NTRK3: variants seen among roughly 807,000 people sequenced by gnomAD.
NTRK3 encodes NT-3 growth factor receptor.
A neutral mutation model predicts 91.7 loss-of-function variants in NTRK3; 24 were observed. The observed-to-expected ratio is 0.26, with a 90% confidence interval of 0.19 to 0.37. The LOEUF (loss-of-function observed/expected upper bound fraction) is 0.37. Among genes scored for constraint, NTRK3 ranks in the 10% least tolerant of loss-of-function variants. The probability of loss-of-function intolerance (pLI) is 1.00; values close to 1 mark genes in which losing one functional copy is unlikely to be tolerated. For synonymous variants in NTRK3, 483 were observed against 404.0 expected, an observed-to-expected ratio of 1.20 and a Z score of -2.34; for missense variants, 880 against 1,068.9, an observed-to-expected ratio of 0.82 and a Z score of 2.46.
chr15:88,104,534 G>T (rs1446014114), intron 13 of NTRK3, among the ~76,000 whole-genome samples: 4 of 152,186 alleles, frequency 2.6e-5, no homozygotes, highest in Non-Finnish European at 4.4e-5. Flanking sequence ...TTGACTTTCA[G>T]TGAGTTGCCC....
intron 13 of NTRK3, among the ~76,000 whole-genome samples, chr15:88,103,448 C>T (rs930763336): frequency 2.0e-5 from 3 of 152,048 alleles, no homozygotes; most frequent in Non-Finnish European, 4.4e-5. Flanking sequence ...CACACAACGA[C>T]GGACAGATAT....
Position 88,051,672 on chromosome 15 carries a change from A to T in NTRK3, c.1397-18627T>A, listed in dbSNP as rs955467423. On this transcript the variant is annotated intron_variant, in intron 13 of 18. Coordinates refer to ENST00000394480, the Ensembl canonical transcript of NTRK3. ...GGGGTTAAATAAAATACTTACGTAA[A>T]GCCCTTGGCATGGTATAAGTTCTCA... 2.0e-5 allele frequency among the ~76,000 whole-genome samples: 3 copies of T among 152,240 alleles called. No individual in the cohort carries two copies. The East Asian group carries it at 5.8e-4, about 29-fold the overall frequency.
chr15:88,208,231 T>C (rs142966588), intron 3 of NTRK3, among the ~76,000 whole-genome samples: 42 of 152,056 alleles, frequency 2.8e-4, no homozygotes, highest in African/African-American at 9.2e-4. Context: ...TCAAAGTCCA[T>C]TTCTTCCCTC....
chr15:87,970,095 A>G (rs1307981115), intron 14 of NTRK3, among the ~76,000 whole-genome samples: 3 of 152,218 alleles, frequency 2.0e-5, no homozygotes, highest in African/African-American at 2.4e-5. Context: ...AGCAAACTCT[A>G]CTAGCTACTC....
At chr15:87,969,069 A>G (rs2073040318) in intron 14 of NTRK3, among the ~76,000 whole-genome samples, 1 of 152,148 alleles carries the variant, frequency 6.6e-6, no homozygotes, top group African/African-American at 2.4e-5. Flanking sequence ...ACACAATGGA[A>G]TTATCCTTCC....
intron 17 of NTRK3, among the ~76,000 whole-genome samples, chr15:87,903,644 G>A (rs1288466440): frequency 6.6e-6 from 1 of 152,214 alleles, no homozygotes; most frequent in Non-Finnish European, 1.5e-5. Flanking sequence ...AGAACTCAGA[G>A]GACTGGGACT....
At chr15:87,897,969 T>G (rs2066225950) in intron 17 of NTRK3, among the ~76,000 whole-genome samples, 1 of 152,170 alleles carries the variant, frequency 6.6e-6, no homozygotes. Context: ...GACTTCCTTG[T>G]GCATAAAAAT....
chr15:87,958,642 C>T (rs1172626427), intron 14 of NTRK3, among the ~76,000 whole-genome samples: 1 of 151,964 alleles, frequency 6.6e-6, no homozygotes, highest in Non-Finnish European at 1.5e-5. Context: ...TAAATCGTGT[C>T]CACTCAACAC....
chr15:87,991,642 A>G (rs746921007), intron 14 of NTRK3, among the ~76,000 whole-genome samples: 34 of 152,174 alleles, frequency 2.2e-4, no homozygotes, highest in Admixed American at 1.0e-3. Context: ...CTCTAAAGTC[A>G]TATCATGCTT....
chr15:88,010,306 A>G (rs2076783927), intron 14 of NTRK3, among the ~76,000 whole-genome samples: 1 of 152,120 alleles, frequency 6.6e-6, no homozygotes, highest in Non-Finnish European at 1.5e-5. Context: ...TTCTTTCTCT[A>G]AAACACGGCT....
intron 14 of NTRK3, among the ~76,000 whole-genome samples, chr15:88,004,218 C>G (rs921402124): frequency 4.6e-5 from 7 of 152,160 alleles, no homozygotes; most frequent in Non-Finnish European, 8.8e-5. Context: ...AATGCCCCTC[C>G]TGGCATCCCT....
chr15:88,151,792 G>A (rs1044580916), intron 5 of NTRK3, among the ~76,000 whole-genome samples: 8 of 152,170 alleles, frequency 5.3e-5, no homozygotes, highest in African/African-American at 1.7e-4. Flanking sequence ...GTAGAGGCAG[G>A]CTAATGGGCA....
intron 17 of NTRK3, among the ~76,000 whole-genome samples, chr15:87,892,086 A>ACACACACT (rs2065882810): frequency 7.4e-6 from 1 of 135,858 alleles, no homozygotes; most frequent in Admixed American, 7.0e-5. Context: ...CATCCCCAAC[A>ACACACACT]CACACACACA....
chr15:88,225,622 C>T (rs2050604747), intron 3 of NTRK3, among the ~76,000 whole-genome samples: 1 of 152,156 alleles, frequency 6.6e-6, no homozygotes, highest in Non-Finnish European at 1.5e-5. Context: ...TGTTTTAAGT[C>T]ATCCACAGTT....
intron 14 of NTRK3, among the ~76,000 whole-genome samples, chr15:87,951,059 G>A (rs1429108748): frequency 1.3e-5 from 2 of 152,152 alleles, no homozygotes; most frequent in East Asian, 3.9e-4. Context: ...TCCAACAGAT[G>A]GACAGGCTGG....
intron 14 of NTRK3, among the ~76,000 whole-genome samples, chr15:88,023,289 T>C (rs2077742186): frequency 6.6e-6 from 1 of 152,196 alleles, no homozygotes; most frequent in African/African-American, 2.4e-5. Context: ...AAAGAAAGAA[T>C]ACTAGTAATG....
intron 3 of NTRK3, among the ~76,000 whole-genome samples, chr15:88,247,662 G>A (rs1347332101): frequency 6.6e-6 from 1 of 152,208 alleles, no homozygotes; most frequent in Non-Finnish European, 1.5e-5. Context: ...AGAAGTGCGA[G>A]GCCAGTGGCT....
chr15:88,231,557 A>G (rs904225343), intron 3 of NTRK3, among the ~76,000 whole-genome samples: 2 of 152,204 alleles, frequency 1.3e-5, no homozygotes, highest in Non-Finnish European at 2.9e-5. Flanking sequence ...CACCCAGGAA[A>G]AATGAGAAGA....
At position 88,255,693 on chromosome 15, in the gene NTRK3, C is replaced by G. The variant is rs1015535736; in HGVS notation, c.248+213G>C. ...TCCTCTCCGGGGAGAGGCACACACA[C>G]GCATAGCCGGATCGCGCCTCGCCAG... On this transcript the variant is annotated intron_variant, in intron 3 of 18. Coordinates refer to ENST00000394480, the Ensembl canonical transcript of NTRK3. This position sits in a 1 kb window ranked among gnomAD's most constrained non-coding sequence, Gnocchi z 4.3. 6.6e-6 allele frequency among the ~76,000 whole-genome samples: 1 copy of G among 152,174 alleles called. No homozygotes were observed. Among genetic ancestry groups the G allele is most frequent in the African/African-American group, 2.4e-5 (1 of 41,460 alleles).
Sources: allele counts gnomAD v4.1 joint callset (sites outside exome capture counted in the v4.1 genomes callset), GRCh38; gene constraint gnomAD v4.1.1; non-coding constraint Gnocchi (gnomAD v3.1); transcripts MANE v1.5; gene names NCBI Gene and HGNC (gene_info 2026-07-23, HGNC 2026-07-21).